KIAA0930: variants seen among roughly 807,000 people sequenced by gnomAD.
The protein encoded by KIAA0930 is uncharacterized protein KIAA0930.
A neutral mutation model predicts 43.9 loss-of-function variants in KIAA0930; 24 were observed. The observed-to-expected ratio is 0.55, with a 90% CI of 0.40 to 0.77. The LOEUF (loss-of-function observed/expected upper bound fraction) is 0.77, where lower values mean the gene tolerates loss of function less well. KIAA0930 is among the 30% of genes least tolerant of loss of function. The pLI is 0.00. For missense variants in KIAA0930, 461 were observed against 574.2 expected (o/e 0.80, Z 2.02); for synonymous variants, 259 against 216.4 (o/e 1.20, Z -1.73).
At chr22:45,207,351 C>A (rs1360036320) in intron 2 of KIAA0930, among the ~76,000 whole-genome samples, 1 of 147,154 alleles carries the variant, frequency 6.8e-6, no homozygotes, top group African/African-American at 2.5e-5. Flanking sequence ...GAGATGAAGT[C>A]TTGCTTTGTC....
At chr22:45,203,759 G>A (rs948466414) in intron 6 of KIAA0930, 86 bp downstream of exon 6, 5 of 1,495,848 alleles carry the variant, frequency 3.3e-6, no homozygotes, top group Non-Finnish European at 4.5e-6. Context: ...AGCAGGCTGG[G>A]GGGCCCCATG....
intron 5 of KIAA0930, 42 bp downstream of exon 5, chr22:45,205,175 G>A (rs375283678): frequency 2.5e-5 from 37 of 1,509,474 alleles, no homozygotes; most frequent in Admixed American, 8.4e-5. Flanking sequence ...CCCATCTCAC[G>A]AGAAGGGGAA....
At position 45,201,042 on chromosome 22, in the gene KIAA0930, G is replaced by A. The variant is rs762061501; in HGVS notation, c.853-1007C>T. 9 of 524,614 alleles carry A rather than the reference G, an allele frequency of 1.7e-5. No individual in the cohort carries two copies. The East Asian group carries it at 4.9e-4, about 29-fold the overall frequency. The allele number at this position is 524,614 out of a possible 1,614,324, so 32.5% of individuals were successfully genotyped here. A position where few individuals can be genotyped will look rare whatever the true frequency, so the allele number is the denominator to read the frequency against. On this transcript the variant is annotated intron_variant, in intron 7 of 9. Coordinates refer to ENST00000336156, the MANE Select transcript of KIAA0930 (RefSeq NM_001009880.2). ...CCCCATGCCAACAATAATCTGAGGA[G>A]CAGGATGAGCTGGGACTGAGACTTC...
At chr22:45,229,227 G>A (rs1194698227) in intron 1 of KIAA0930, among the ~76,000 whole-genome samples, 2 of 29,086 alleles carry the variant, frequency 6.9e-5, no homozygotes, top group Non-Finnish European at 5.8e-5. Flanking sequence ...ACACTCACCC[G>A]AAAGATCCCT....
At chr22:45,221,309 A>G (rs961092777) in intron 1 of KIAA0930, among the ~76,000 whole-genome samples, 4 of 152,252 alleles carry the variant, frequency 2.6e-5, no homozygotes, top group African/African-American at 9.7e-5. Flanking sequence ...AGCTTTGCAG[A>G]CCATAGCTGC....
intron 1 of KIAA0930, among the ~76,000 whole-genome samples, chr22:45,232,930 G>A (rs149974150): frequency 2.0e-5 from 3 of 152,274 alleles, no homozygotes; most frequent in East Asian, 1.9e-4. Context: ...AAGGGACCCC[G>A]TGGAGTGTTA....
chr22:45,228,742 CTACCACCA>C (rs2083820781), intron 1 of KIAA0930, among the ~76,000 whole-genome samples: 2 of 74,902 alleles, frequency 2.7e-5, no homozygotes, highest in Admixed American at 2.4e-4. Context: ...CTCCACCCCC[CTACCACCA>C]CTCACCCGAA....
intron 8 of KIAA0930, among the ~76,000 whole-genome samples, chr22:45,198,527 G>A (rs1399234140): frequency 1.3e-5 from 2 of 152,244 alleles, no homozygotes; most frequent in Non-Finnish European, 2.9e-5. Context: ...GAGCAGGTGG[G>A]ACACCCCTGC....
intron 1 of KIAA0930, among the ~76,000 whole-genome samples, chr22:45,231,224 A>G (rs80165518): frequency 0.021 from 1,502 of 71,656 alleles, 17 homozygotes; most frequent in African/African-American, 0.041. Context: ...TCCGTCTCAG[A>G]AAAAAAAAAA....
At chr22:45,237,277 T>A (rs1435401601) in intron 1 of KIAA0930, among the ~76,000 whole-genome samples, 3 of 152,224 alleles carry the variant, frequency 2.0e-5, no homozygotes, top group African/African-American at 7.2e-5. Context: ...GGTTTGTACT[T>A]CAGCTAACAG....
At chr22:45,202,883 T>C in intron 7 of KIAA0930, 107 bp downstream of exon 7, 1 of 922,000 alleles carries the variant, frequency 1.1e-6, no homozygotes, top group Non-Finnish European at 1.6e-6. Context: ...GCACTGGTGG[T>C]TGGGGATGAC....
rs565548772 is a variant in KIAA0930, at chr22:45,229,981, A to G, written c.64+10659T>C. Among the ~76,000 whole-genome samples, 168 of 152,356 alleles carry G rather than the reference A, an allele frequency of 1.1e-3. 1 individual carries two copies. Among genetic ancestry groups the G allele is most frequent in the African/African-American group, 3.8e-3 (158 of 41,596 alleles). On this transcript the variant is annotated intron_variant, in intron 1 of 9. Transcript: ENST00000336156. ...CATGGTGGCAGGCACCTGTAATCTC[A>G]GCTACTCAGGAGGCTGAGGCAGGAG... is the stretch of plus-strand genomic sequence containing the variant.
At chr22:45,221,557 C>T (rs1189510296) in intron 1 of KIAA0930, among the ~76,000 whole-genome samples, 2 of 152,094 alleles carry the variant, frequency 1.3e-5, no homozygotes, top group African/African-American at 4.8e-5. Flanking sequence ...TTGTTCAATG[C>T]TATACATTTA....
rs1025647925 is a variant in KIAA0930, at chr22:45,195,203, G to C, written c.*1973C>G. 6.6e-6 allele frequency: 1 copy of C among 152,204 alleles called. No individual in the cohort carries two copies. The highest frequency in any genetic ancestry group is 2.4e-5 in the African/African-American group (1 of 41,456). 9.4% of individuals were successfully genotyped at this position (152,204 alleles called of 1,614,324 possible). The stretch of plus-strand genomic sequence containing the variant: ...TGAGCCATCCAGCAGTGCTGGCCAA[G>C]CCTCCGAGCTTGGCCAAATGCTGGC... On this transcript the variant is annotated 3_prime_UTR_variant, in exon 10 of 10. Coordinates refer to ENST00000336156, the MANE Select transcript of KIAA0930 (RefSeq NM_001009880.2).
chr22:45,197,272 C>G, intron 9 of KIAA0930, 56 bp from the exon 10 acceptor site: 1 of 1,486,860 alleles, frequency 6.7e-7, no homozygotes, highest in South Asian at 1.3e-5. Context: ...GCGGTGAGTG[C>G]TATGGTCACG....
chr22:45,226,688 G>T, intron 1 of KIAA0930: 1 of 175,746 alleles, frequency 5.7e-6, no homozygotes, highest in Non-Finnish European at 1.2e-5. Flanking sequence ...TCACTGCTCT[G>T]CTCAGACACA....
Position 45,197,246 on chromosome 22 carries a change from A to G in KIAA0930, c.1175-30T>C, listed in dbSNP as rs777256866. 7.1e-6 allele frequency: 11 copies of G among 1,545,392 alleles called. No individual in the cohort carries two copies. The South Asian group carries it at 1.3e-4, about 19-fold the overall frequency. The stretch of plus-strand genomic sequence containing the variant: ...GGCCGGCAGGAGGGAAGCAGGTGAA[A>G]CAGTAACCCTCAACAGCGGTGAGTG... On this transcript the variant is annotated intron_variant, in intron 9 of 9. Transcript: ENST00000336156.
intron 3 of KIAA0930, 22 bp downstream of exon 3, chr22:45,205,771 C>CCG: frequency 1.4e-5 from 10 of 710,620 alleles, no homozygotes; most frequent in Non-Finnish European, 2.2e-5. Context: ...CAATCCGCAG[C>CCG]CCCACCCATC....
At chr22:45,199,132 A>G (rs972987863) in intron 8 of KIAA0930, among the ~76,000 whole-genome samples, 4 of 152,112 alleles carry the variant, frequency 2.6e-5, no homozygotes, top group African/African-American at 9.7e-5. Context: ...GAGACTGCTG[A>G]GTGGCATTTT....
Sources: allele counts gnomAD v4.1 joint callset (sites outside exome capture counted in the v4.1 genomes callset), GRCh38; gene constraint gnomAD v4.1.1; transcripts MANE v1.5; gene names NCBI Gene and HGNC (gene_info 2026-07-23, HGNC 2026-07-21).